The following STIM2 variants were observed in gnomAD, a reference collection of about 807,000 sequenced individuals.
STIM2 encodes the protein stromal interaction molecule 2.
STIM2 carries 31 observed loss-of-function variants against 85.8 expected under a neutral mutation model. That is an observed-to-expected ratio of 0.36 (90% CI 0.27 to 0.49). STIM2 has a LOEUF of 0.49. Among genes scored for constraint, STIM2 ranks in the 20% least tolerant of loss-of-function variants. The pLI, the probability that STIM2 is intolerant of heterozygous loss-of-function variation, is 0.98. For missense variants in STIM2, 841 were observed against 927.6 expected, an observed-to-expected ratio of 0.91 and a Z score of 1.21; for synonymous variants, 356 against 331.1, an observed-to-expected ratio of 1.08 and a Z score of -0.82.
chr4:26,992,510 A>G (rs1186174449), intron 3 of STIM2, among the ~76,000 whole-genome samples: 1 of 152,120 alleles, frequency 6.6e-6, no homozygotes, highest in African/African-American at 2.4e-5. Context: ...CCTATGCAAC[A>G]TAGCAAGACC....
intron 3 of STIM2, among the ~76,000 whole-genome samples, chr4:26,974,754 T>C (rs887944036): frequency 2.3e-4 from 35 of 152,198 alleles, no homozygotes; most frequent in Non-Finnish European, 7.3e-5. Flanking sequence ...TGTGGTGGTC[T>C]CTGTATTTCC....
chr4:26,945,547 A>G (rs1484990832), intron 2 of STIM2, among the ~76,000 whole-genome samples: 1 of 152,140 alleles, frequency 6.6e-6, no homozygotes, highest in Non-Finnish European at 1.5e-5. Flanking sequence ...CAATGGTTGA[A>G]CTAATTTACA....
At chr4:26,872,220 G>T (rs911847227) in intron 1 of STIM2, among the ~76,000 whole-genome samples, 2 of 151,992 alleles carry the variant, frequency 1.3e-5, no homozygotes, top group Non-Finnish European at 2.9e-5. Flanking sequence ...CTAAATAACC[G>T]GACCATGAGT....
chr4:26,987,205 C>T lies in STIM2; in HGVS notation c.398-8174C>T, dbSNP rs1319173270. 2.6e-5 allele frequency among the ~76,000 whole-genome samples: 4 copies of T among 152,282 alleles called. No individual in the cohort carries two copies. In the East Asian group the frequency reaches 7.7e-4, roughly 29 times the overall value. On this transcript the variant is annotated intron_variant, in intron 3 of 11. Transcript: ENST00000467087. ...TTTCACCCCTTACAATCTCTTCATT[C>T]TCCCTGTGATTAGGACCCCACTGCT... is the stretch of plus-strand genomic sequence containing the variant.
intron 6 of STIM2, 32 bp from the exon 7 acceptor site, chr4:27,002,895 G>T (rs766258910): frequency 2.7e-6 from 4 of 1,470,320 alleles, no homozygotes; most frequent in South Asian, 1.5e-5. Flanking sequence ...GGAAATTTTT[G>T]TGAGGAATTT....
chr4:26,876,068 C>G (rs1373690486), intron 1 of STIM2, among the ~76,000 whole-genome samples: 3 of 151,832 alleles, frequency 2.0e-5, no homozygotes, highest in South Asian at 4.2e-4. Context: ...AGCTAGATGT[C>G]TTGTTTTTGT....
At chr4:26,979,257 A>G (rs537298729) in intron 3 of STIM2, among the ~76,000 whole-genome samples, 11 of 152,316 alleles carry the variant, frequency 7.2e-5, no homozygotes, top group South Asian at 4.1e-4. Context: ...AAAAGCATCA[A>G]TGGAGGAGGA....
intron 2 of STIM2, among the ~76,000 whole-genome samples, chr4:26,945,214 G>T (rs1725773780): frequency 6.6e-6 from 1 of 152,110 alleles, no homozygotes; most frequent in Non-Finnish European, 1.5e-5. Context: ...TTCTGTTCCT[G>T]TGTTAGTTTG....
At chr4:26,972,887 G>A (rs759447138) in intron 3 of STIM2, among the ~76,000 whole-genome samples, 40 of 152,110 alleles carry the variant, frequency 2.6e-4, no homozygotes, top group Admixed American at 2.4e-3. Context: ...CTTTTGGTTG[G>A]TAGGCTATTA....
At chr4:26,995,157 G>A (rs571108067) in intron 3 of STIM2, among the ~76,000 whole-genome samples, 3 of 151,978 alleles carry the variant, frequency 2.0e-5, no homozygotes, top group Admixed American at 6.6e-5. Context: ...GTTTATTTTC[G>A]AATTAATCAT....
intron 1 of STIM2, among the ~76,000 whole-genome samples, chr4:26,890,978 T>C (rs1020554829): frequency 3.3e-5 from 5 of 152,230 alleles, no homozygotes; most frequent in Non-Finnish European, 5.9e-5. Context: ...CTTGAAGCAC[T>C]ATTGGATCTA....
intron 1 of STIM2, among the ~76,000 whole-genome samples, chr4:26,908,878 A>G (rs1181157891): frequency 1.3e-5 from 2 of 152,228 alleles, no homozygotes; most frequent in Non-Finnish European, 2.9e-5. Context: ...GAATCAGTCA[A>G]AAGATTTAGA....
intron 3 of STIM2, among the ~76,000 whole-genome samples, chr4:26,985,929 C>T (rs1324118041): frequency 6.6e-6 from 1 of 152,132 alleles, no homozygotes; most frequent in Non-Finnish European, 1.5e-5. Context: ...AAGCAGAATA[C>T]ATGTAATGTG....
chr4:26,941,204 C>G (rs1725598649), intron 2 of STIM2, among the ~76,000 whole-genome samples: 1 of 152,072 alleles, frequency 6.6e-6, no homozygotes. Flanking sequence ...TTCGTTCAGT[C>G]TCTTGTTTCA....
chr4:26,871,032 A>G (rs1165275644), intron 1 of STIM2, among the ~76,000 whole-genome samples: 1 of 152,084 alleles, frequency 6.6e-6, no homozygotes, highest in Non-Finnish European at 1.5e-5. Context: ...TGAGATTATT[A>G]TAGGCATTGA....
At chr4:26,973,693 G>A (rs920645311) in intron 3 of STIM2, among the ~76,000 whole-genome samples, 9 of 152,228 alleles carry the variant, frequency 5.9e-5, no homozygotes, top group African/African-American at 2.2e-4. Context: ...GCGATGTGGT[G>A]CTGAGAAGAA....
At chr4:26,971,460 A>G (rs1464562495) in intron 3 of STIM2, among the ~76,000 whole-genome samples, 1 of 152,214 alleles carries the variant, frequency 6.6e-6, no homozygotes, top group African/African-American at 2.4e-5. Flanking sequence ...CTTTCTACAT[A>G]TAGCTAGCCA....
chr4:26,935,195 G>A (rs547937727), intron 2 of STIM2, among the ~76,000 whole-genome samples: 31 of 152,242 alleles, frequency 2.0e-4, no homozygotes, highest in African/African-American at 7.0e-4. Context: ...TTAGGAATCT[G>A]GAAGAAAGAT....
intron 1 of STIM2, among the ~76,000 whole-genome samples, chr4:26,876,345 GCACTTCC>G (rs1238707622): frequency 6.6e-6 from 1 of 152,112 alleles, no homozygotes; most frequent in East Asian, 1.9e-4. Flanking sequence ...TTGGATCGTA[GCACTTCC>G]CACTTTTGAG....
Sources: gnomAD v4.1 joint callset for allele counts (sites outside exome capture counted in the v4.1 genomes callset) on GRCh38, gnomAD v4.1.1 for gene constraint, MANE v1.5 for transcripts, NCBI Gene and HGNC (gene_info 2026-07-23, HGNC 2026-07-21) for gene names.